Variants in FNDC1 observed in about 807,000 individuals in gnomAD.
FNDC1 encodes fibronectin type III domain containing 1.
FNDC1 carries 96 observed loss-of-function variants against 168.0 expected under a neutral mutation model. That is an observed-to-expected ratio of 0.57 (90% confidence interval 0.48 to 0.68). FNDC1 has a LOEUF of 0.68. Ranked by LOEUF, FNDC1 falls within the 30% of genes least tolerant of loss-of-function variation. The pLI is 0.00. For synonymous variants in FNDC1, 1,099 were observed against 1,025.9 expected (o/e 1.07, Z -1.36); for missense variants, 2,587 against 2,482.1 (o/e 1.04, Z -0.90).
intron 1 of FNDC1, among the ~76,000 whole-genome samples, chr6:159,178,077 G>A (rs1781802992): frequency 6.6e-6 from 1 of 152,178 alleles, no homozygotes; most frequent in Admixed American, 6.5e-5. Context: ...CAGCAGGGGA[G>A]GATTCTATGC....
chr6:159,180,510 G>T (rs931929100), intron 1 of FNDC1, among the ~76,000 whole-genome samples: 1 of 152,136 alleles, frequency 6.6e-6, no homozygotes, highest in South Asian at 2.1e-4. Context: ...TACATGTGCA[G>T]GATGTGCAGG....
chr6:159,177,758 A>G (rs1467773521), intron 1 of FNDC1, among the ~76,000 whole-genome samples: 1 of 152,150 alleles, frequency 6.6e-6, no homozygotes. Context: ...CTTAGAGGAC[A>G]GAAAGCTCAG....
At chr6:159,216,496 C>T (rs1336671676) in intron 5 of FNDC1, among the ~76,000 whole-genome samples, 1 of 152,170 alleles carries the variant, frequency 6.6e-6, no homozygotes, top group Non-Finnish European at 1.5e-5. Context: ...AGGCTTGGCT[C>T]TCTGAGGGGC....
chr6:159,219,032 T>C (rs1254924941), intron 5 of FNDC1, among the ~76,000 whole-genome samples: 1 of 139,920 alleles, frequency 7.1e-6, no homozygotes, highest in Non-Finnish European at 1.5e-5. Context: ...ATTTTGGGAA[T>C]TTCAGTTTCC....
At chr6:159,182,521 G>A (rs553126053) in intron 1 of FNDC1, among the ~76,000 whole-genome samples, 2 of 152,256 alleles carry the variant, frequency 1.3e-5, no homozygotes, top group Non-Finnish European at 2.9e-5. Flanking sequence ...GCTTTGGGAG[G>A]ACTTCCTTTC....
Position 159,233,203 on chromosome 6 carries a change from C to T in FNDC1, c.2691C>T (p.Ser897=), listed in dbSNP as rs1783142944. The T allele has an allele frequency of 3.1e-6, 5 of 1,613,034 alleles. No individual in the cohort carries two copies. Among genetic ancestry groups the T allele is most frequent in the Non-Finnish European group, 4.2e-6 (5 of 1,179,558 alleles). ...ATVVNDHVPS[S]SRQPISRGWE... ...TTGTCAATGACCACGTGCCTTCCTC[C>T]TCCAGGCAGCCCATCTCCCGGGGCT... The change falls in exon 11 of 23, where the codon TCC becomes TCT. Residue 897 remains serine (S), a synonymous_variant. Coordinates refer to ENST00000297267, the MANE Select transcript of FNDC1 (RefSeq NM_032532.3). This position sits in a 1 kb window ranked among gnomAD's most constrained non-coding sequence, Gnocchi z 4.6.
At chr6:159,240,883 G>A (rs1344541335) in intron 14 of FNDC1, 2 of 152,166 alleles carry the variant, frequency 1.3e-5, no homozygotes, top group East Asian at 3.8e-4. Context: ...TAAAGCTTAA[G>A]TCTTTTTAAA....
chr6:159,180,721 G>C (rs1583850940), intron 1 of FNDC1, among the ~76,000 whole-genome samples: 1 of 152,130 alleles, frequency 6.6e-6, no homozygotes, highest in East Asian at 1.9e-4. Context: ...TTATAAGTGA[G>C]AACATGCAGT....
chr6:159,265,173 A>G (rs996929547), intron 20 of FNDC1, among the ~76,000 whole-genome samples, 169 bp downstream of exon 20: 3 of 152,194 alleles, frequency 2.0e-5, no homozygotes, highest in Non-Finnish European at 4.4e-5. Context: ...ACTCTGTGGG[A>G]AAGAATGACC....
At chr6:159,252,889 T>C (rs12210920) in intron 17 of FNDC1, among the ~76,000 whole-genome samples, 3,374 of 152,320 alleles carry the variant, frequency 0.022, 69 homozygotes, top group Non-Finnish European at 0.034. Flanking sequence ...CTAAGAAACA[T>C]TGGCTGCAGA....
chr6:159,173,916 T>A (rs1289609087), intron 1 of FNDC1, among the ~76,000 whole-genome samples: 1 of 152,312 alleles, frequency 6.6e-6, no homozygotes, highest in East Asian at 1.9e-4. Context: ...TTATTCTTCC[T>A]ACCTCAAGGG....
chr6:159,230,837 C>T (rs480052), intron 10 of FNDC1, among the ~76,000 whole-genome samples: 58,359 of 152,044 alleles, frequency 0.38, 14,324 homozygotes, highest in East Asian at 0.73. Context: ...TTTGCCCCTC[C>T]GGCACTCTCA....
At chr6:159,221,564 G>A in intron 5 of FNDC1, 34 bp from the exon 6 acceptor site, 1 of 1,543,060 alleles carries the variant, frequency 6.5e-7, no homozygotes, top group Non-Finnish European at 9.0e-7. Flanking sequence ...AGAAATGGAA[G>A]TCAGAATCTC....
chr6:159,239,724 C>T lies in FNDC1; in HGVS notation c.4388C>T (p.Thr1463Ile). The T allele has an allele frequency of 3.9e-6, 6 of 1,548,578 alleles. No individual in the cohort carries two copies. The East Asian group carries it at 1.5e-4, about 38-fold the overall frequency. ...PTTTTTPLPTTTTPRPTTATT... is the reference protein window; with the variant it reads ...PTTTTTPLPTITTPRPTTATT... ...ACTACTACGACGCCCCTGCCTACCACTACAACCCCGAGGCCCACCACTGCC... is the reference window on the plus strand; with the variant it reads ...ACTACTACGACGCCCCTGCCTACCATTACAACCCCGAGGCCCACCACTGCC... The change falls in exon 14 of 23, where the codon ACT becomes ATT. Residue 1463 changes from threonine (T) to isoleucine (I), a missense_variant. Transcript: ENST00000297267.
chr6:159,221,448 T>C (rs1214560781), intron 5 of FNDC1, 150 bp from the exon 6 acceptor site: 20 of 633,530 alleles, frequency 3.2e-5, no homozygotes, highest in East Asian at 2.7e-5. Context: ...TCGCCCTTCA[T>C]AGTCCTCAAG....
intron 19 of FNDC1, 84 bp from the exon 20 acceptor site, chr6:159,264,891 C>A: frequency 1.8e-6 from 2 of 1,093,544 alleles, no homozygotes; most frequent in Non-Finnish European, 2.6e-6. Flanking sequence ...ATTTGGTTAG[C>A]TATTTCAGTT....
chr6:159,187,194 A>T (rs1474272841), intron 1 of FNDC1, among the ~76,000 whole-genome samples: 3 of 152,146 alleles, frequency 2.0e-5, no homozygotes, highest in African/African-American at 7.2e-5. Flanking sequence ...TGGGGCCTGG[A>T]GTAGAATCCA....
chr6:159,256,677 G>A (rs1488006179), intron 18 of FNDC1, 46 bp downstream of exon 18: 2 of 1,402,114 alleles, frequency 1.4e-6, no homozygotes, highest in Admixed American at 3.6e-5. Flanking sequence ...CATGTGCATG[G>A]TTGCTGATTT....
At chr6:159,261,099 C>T (rs536874515) in intron 18 of FNDC1, 91 bp from the exon 19 acceptor site, 14 of 910,260 alleles carry the variant, frequency 1.5e-5, no homozygotes, top group Middle Eastern at 2.2e-4. Context: ...AAGCCTGTCA[C>T]GGTTCAGGTG....
Sources: gnomAD v4.1 joint callset for allele counts (sites outside exome capture counted in the v4.1 genomes callset) on GRCh38, gnomAD v4.1.1 for gene constraint, Gnocchi (gnomAD v3.1) non-coding constraint, MANE v1.5 for transcripts, NCBI Gene and HGNC (gene_info 2026-07-23, HGNC 2026-07-21) for gene names.